The following TGM1 variants were observed in gnomAD, a reference collection of about 807,000 sequenced individuals.
The protein encoded by TGM1 is transglutaminase 1, also known as protein-glutamine gamma-glutamyltransferase K.
Under a neutral mutation model 88.7 loss-of-function variants are expected in TGM1, and 63 were observed. The ratio of observed to expected loss-of-function variants is 0.71; its 90% CI spans 0.58 to 0.88. TGM1 has a LOEUF of 0.88. Among genes scored for constraint, TGM1 ranks in the 40% least tolerant of loss-of-function variants. The pLI is 0.00. For synonymous variants in TGM1, 415 were observed against 431.1 expected, an observed-to-expected ratio of 0.96 and a Z score of 0.46; for missense variants, 996 against 1,118.0, an observed-to-expected ratio of 0.89 and a Z score of 1.56.
In TGM1 at chr14:24,260,020, C is replaced by G. The variant is rs1339079595; in HGVS notation, c.796G>C (p.Glu266Gln). The change falls in exon 5 of 15, where the codon GAG becomes CAG. Residue 266 changes from glutamate (E) to glutamine (Q), a missense_variant. Physicochemically the swap from Glu to Gln is conservative, Grantham distance 29. Coordinates refer to ENST00000206765, the MANE Select transcript of TGM1 (RefSeq NM_000359.3). ...CTCCCAGACTCATTAAGAACATACT[C>G]CTGCCGCCAATCCTCATGGTCCACG... is the stretch of plus-strand genomic sequence containing the variant. Reference protein sequence around the residue: ...VYVDHEDWRQEYVLNESGRIY... With the variant: ...VYVDHEDWRQQYVLNESGRIY... 6.2e-7 allele frequency: 1 copy of G among 1,614,232 alleles called. No individual in the cohort carries two copies. Among genetic ancestry groups the G allele is most frequent in the Non-Finnish European group, 8.5e-7 (1 of 1,180,042 alleles).
intron 9 of TGM1, 45 bp downstream of exon 9, chr14:24,258,240 G>C (rs551441138): frequency 2.0e-6 from 3 of 1,497,532 alleles, no homozygotes; most frequent in East Asian, 2.3e-5. Flanking sequence ...AATCAGGTGG[G>C]GGAGATAAGC....
rs2139024537 is a variant in TGM1 at position 24,259,401 on chromosome 14, C to T, written c.985-152G>A. ...GACACCAGCCTGAGCTCCACCCAGC[C>T]CTTCCCTCAGCCATCTGCCCCCCTC... is the stretch of plus-strand genomic sequence containing the variant. On this transcript the variant is annotated intron_variant, in intron 6 of 14. Transcript: ENST00000206765. This position sits in a 1 kb window ranked among gnomAD's most constrained non-coding sequence, Gnocchi z 5.7. 1 of 823,922 alleles carries T rather than the reference C, an allele frequency of 1.2e-6. No homozygotes were observed. Among genetic ancestry groups the T allele is most frequent in the African/African-American group, 1.7e-5 (1 of 59,588 alleles). 51.0% of individuals were successfully genotyped at this position (823,922 alleles called of 1,614,324 possible).
At chr14:24,254,857 T>C in intron 12 of TGM1, 33 bp from the exon 13 acceptor site, 2 of 1,613,290 alleles carry the variant, frequency 1.2e-6, no homozygotes, top group Non-Finnish European at 1.7e-6. Flanking sequence ...CACTGAGGCC[T>C]GCTTCCCTAC....
At chr14:24,261,078 C>T (rs1031571841) in intron 3 of TGM1, among the ~76,000 whole-genome samples, 1 of 152,206 alleles carries the variant, frequency 6.6e-6, no homozygotes, top group Non-Finnish European at 1.5e-5. Context: ...TGCCTGCTTC[C>T]TGGGGCTGCA....
In TGM1 at chr14:24,260,461, G is replaced by A; in HGVS notation, c.746C>T (p.Pro249Leu). Residue 249 changes from proline (P) to leucine (L), a missense_variant, in exon 4 of 15, where the codon CCC becomes CTC. Physicochemically the swap from Pro to Leu is moderately conservative, Grantham distance 98 (BLOSUM62 -3). Coordinates refer to ENST00000206765, the MANE Select transcript of TGM1 (RefSeq NM_000359.3). Reference sequence around the variant, plus strand: ...CCCCAGCTGCTCACCTGGGCACCAGGGGTTGAAGAGGATGTAGATCTCATT... The same window carrying A: ...CCCCAGCTGCTCACCTGGGCACCAGAGGTTGAAGAGGATGTAGATCTCATT... ...PRNEIYILFN[P>L]WCPEDIVYVD... The A allele has an allele frequency of 1.2e-6, 2 of 1,614,218 alleles. No homozygotes were observed. Among genetic ancestry groups the A allele is most frequent in the Non-Finnish European group, 1.7e-6 (2 of 1,180,038 alleles).
intron 4 of TGM1, 71 bp from the exon 5 acceptor site, chr14:24,260,129 T>G: frequency 7.3e-7 from 1 of 1,376,478 alleles, no homozygotes; most frequent in South Asian, 1.2e-5. Flanking sequence ...TTCTGGCCAG[T>G]TCTGCAGGAC....
rs1244345364 is a variant in TGM1 at position 24,259,672 on chromosome 14, A to G, written c.984+32T>C. 1 of 1,573,238 alleles carries G rather than the reference A, an allele frequency of 6.4e-7. No homozygotes were observed. Among genetic ancestry groups the G allele is most frequent in the Admixed American group, 1.7e-5 (1 of 57,842 alleles). On this transcript the variant is annotated intron_variant, in intron 6 of 14. Transcript: ENST00000206765. This position sits in a 1 kb window ranked among gnomAD's most constrained non-coding sequence, Gnocchi z 5.7. ...GTGTGGCGAGGCAGCAGGCACACAC[A>G]CAGTAGGACTCAGAGATGTGAGGGT...
intron 14 of TGM1, among the ~76,000 whole-genome samples, chr14:24,250,533 G>C (rs1566374627): frequency 6.6e-6 from 1 of 152,024 alleles, no homozygotes; most frequent in Non-Finnish European, 1.5e-5. Flanking sequence ...CCTACCGAAT[G>C]CCTTCTTCCC....
At chr14:24,258,197 G>T (rs1023395858) in intron 9 of TGM1, 88 bp downstream of exon 9, 1 of 1,169,278 alleles carries the variant, frequency 8.6e-7, no homozygotes, top group Non-Finnish European at 1.3e-6. Context: ...TGGCTCTCCG[G>T]CCCGGCCCAG....
Position 24,249,224 on chromosome 14 carries a change from G to T in TGM1, c.*89C>A. On this transcript the variant is annotated 3_prime_UTR_variant, in exon 15 of 15. Transcript: ENST00000206765. The stretch of plus-strand genomic sequence containing the variant: ...CGGGAGCCCTGGACTCCCCACCTGA[G>T]CTCCTGGGGAGCTGCTCTGTAGTGT... 8.5e-7 allele frequency: 1 copy of T among 1,172,586 alleles called. No homozygotes were observed. The highest frequency in any genetic ancestry group is 1.3e-6 in the Non-Finnish European group (1 of 795,994). 72.6% of individuals were successfully genotyped at this position (1,172,586 alleles called of 1,614,324 possible).
chr14:24,260,715 G>C lies in TGM1; in HGVS notation c.509-17C>G, dbSNP rs773955161. Reference sequence around the variant, plus strand: ...GGTTGTTTCCTAGAGTAGGAAATCAGCAATTAGCTGGCAAGGCCTCCCTGA... The same window carrying C: ...GGTTGTTTCCTAGAGTAGGAAATCACCAATTAGCTGGCAAGGCCTCCCTGA... On this transcript the variant is annotated splice_polypyrimidine_tract_variant and intron_variant, in intron 3 of 14. Transcript: ENST00000206765. 1 of 1,614,034 alleles carries C rather than the reference G, an allele frequency of 6.2e-7. No homozygotes were observed. Among genetic ancestry groups the C allele is most frequent in the Non-Finnish European group, 8.5e-7 (1 of 1,180,004 alleles).
Position 24,255,522 on chromosome 14 carries a change from G to T in TGM1, c.1492-5C>A, listed in dbSNP as rs201484627. On this transcript the variant is annotated splice_polypyrimidine_tract_variant and splice_region_variant and intron_variant, in intron 10 of 14. Transcript: ENST00000206765. This position sits in a 1 kb window ranked among gnomAD's most constrained non-coding sequence, Gnocchi z 4.0. ...GTACACCTTGTCACTATTCACCTGT[G>T]GGGGGTGGGGGTGAGCAGGAATGAG... 4 of 1,612,666 alleles carry T rather than the reference G, an allele frequency of 2.5e-6. No individual in the cohort carries two copies. The highest frequency in any genetic ancestry group is 1.7e-5 in the Admixed American group (1 of 60,002).
In TGM1 at chr14:24,258,608, T is replaced by A; in HGVS notation, c.1225A>T (p.Thr409Ser). 1 of 1,614,180 alleles carries A rather than the reference T, an allele frequency of 6.2e-7. No homozygotes were observed. The highest frequency in any genetic ancestry group is 8.5e-7 in the Non-Finnish European group (1 of 1,180,026). ...AAGTAGATGTCCATGGTAAGGGATG[T>A]GTCTGTGTCGTGGGCGGAGTTGAAG... ...TNFNSAHDTD[T>S]SLTMDIYFDE... Residue 409 changes from threonine (T) to serine (S), a missense_variant, in exon 8 of 15, where the codon ACA becomes TCA. Physicochemically the swap from Thr to Ser is moderately conservative, Grantham distance 58 (BLOSUM62 1). Transcript: ENST00000206765.
chr14:24,257,294 G>A (rs1052104372), intron 9 of TGM1, among the ~76,000 whole-genome samples: 1 of 152,178 alleles, frequency 6.6e-6, no homozygotes, highest in Non-Finnish European at 1.5e-5. Context: ...AAGGTAGCTG[G>A]CAGGGCAGGC....
rs138497842 is a variant in TGM1, at chr14:24,250,179, T to TGTGAGAGAGAGAGA, written c.2226-639_2226-638insTCTCTCTCTCTCAC. 3.0e-3 allele frequency among the ~76,000 whole-genome samples: 419 copies of TGTGAGAGAGAGAGA among 140,796 alleles called. 3 individuals are homozygous for TGTGAGAGAGAGAGA. The highest frequency in any genetic ancestry group is 0.011 in the African/African-American group (400 of 37,158). The allele number at this position is 140,796 out of a possible 152,430, so 92.4% of individuals were successfully genotyped here. On this transcript the variant is annotated intron_variant, in intron 14 of 14. Coordinates refer to ENST00000206765, the MANE Select transcript of TGM1 (RefSeq NM_000359.3). ...GTGTGTGTGTGTGTGTGTGTGTGTG[T>TGTGAGAGAGAGAGA]GAGAGAGACAGAGAGGTGGGTGGAC...
intron 14 of TGM1, among the ~76,000 whole-genome samples, chr14:24,251,979 A>G (rs1388969963): frequency 6.6e-6 from 1 of 152,230 alleles, no homozygotes; most frequent in East Asian, 1.9e-4. Context: ...ACAGACTTCC[A>G]GCCTCTCTGG....
chr14:24,260,960 G>A (rs527627687), intron 3 of TGM1, among the ~76,000 whole-genome samples: 5 of 152,280 alleles, frequency 3.3e-5, no homozygotes, highest in East Asian at 1.9e-4. Context: ...GAGGAGAGAC[G>A]AGGGCTCCTG....
intron 4 of TGM1, 28 bp from the exon 5 acceptor site, chr14:24,260,086 T>A (rs1226823097): frequency 1.3e-6 from 2 of 1,574,172 alleles, no homozygotes; most frequent in East Asian, 2.2e-5. Context: ...ACAAAACTGG[T>A]TCCCTCCAGT....
intron 14 of TGM1, among the ~76,000 whole-genome samples, chr14:24,253,427 C>A (rs923404129): frequency 1.3e-5 from 2 of 151,958 alleles, no homozygotes; most frequent in Admixed American, 1.3e-4. Context: ...TCCAAAACTT[C>A]GCTTGTGTGT....
Sources: allele counts gnomAD v4.1 joint callset (sites outside exome capture counted in the v4.1 genomes callset), GRCh38; gene constraint gnomAD v4.1.1; non-coding constraint Gnocchi (gnomAD v3.1); transcripts MANE v1.5; gene names NCBI Gene and HGNC (gene_info 2026-07-23, HGNC 2026-07-21).